The following ASCC3 variants were observed in gnomAD, a reference collection of about 807,000 sequenced individuals.
ASCC3 encodes ASC-1 complex subunit P200.
In ASCC3, 158 loss-of-function variants were observed where a neutral mutation model predicts 256.3. The observed-to-expected ratio is 0.62, with a 90% confidence interval of 0.54 to 0.70. The LOEUF is 0.70. Ranked by LOEUF, ASCC3 falls within the 30% of genes least tolerant of loss-of-function variation. ASCC3 has a pLI of 0.00. For missense variants in ASCC3, 2,259 were observed against 2,626.0 expected (o/e 0.86, Z 3.05); for synonymous variants, 948 against 883.4 (o/e 1.07, Z -1.30).
At chr6:100,686,969 T>G (rs1451853736) in intron 13 of ASCC3, among the ~76,000 whole-genome samples, 1 of 151,748 alleles carries the variant, frequency 6.6e-6, no homozygotes, top group Non-Finnish European at 1.5e-5. Context: ...TTACTTTTGG[T>G]ATCTCTTCAA....
chr6:100,692,426 TATG>T (rs1473420457), intron 13 of ASCC3, among the ~76,000 whole-genome samples: 1 of 152,014 alleles, frequency 6.6e-6, no homozygotes, highest in East Asian at 1.9e-4. Flanking sequence ...TATGGTTTAA[TATG>T]ATTATATTTT....
intron 30 of ASCC3, among the ~76,000 whole-genome samples, chr6:100,615,786 AT>A (rs1773639660): frequency 6.6e-6 from 1 of 152,214 alleles, no homozygotes; most frequent in South Asian, 2.1e-4. Context: ...TTGCAGAAAT[AT>A]TTCACAAGGC....
intron 37 of ASCC3, 54 bp from the exon 38 acceptor site, chr6:100,518,196 T>C: frequency 6.3e-7 from 1 of 1,587,780 alleles, no homozygotes; most frequent in Non-Finnish European, 8.6e-7. Flanking sequence ...ACTTGCCCCC[T>C]CCACTGGGAT....
At position 100,673,332 on chromosome 6, in the gene ASCC3, C is replaced by A. The variant is rs185674232; in HGVS notation, c.2286+6286G>T. On this transcript the variant is annotated intron_variant, in intron 14 of 41. Transcript: ENST00000369162. ...ATTTTATCATTACAAATCTCTCTACCCCTAGGAATTTATAACATTATTTAT... is the reference window on the plus strand; with the variant it reads ...ATTTTATCATTACAAATCTCTCTACACCTAGGAATTTATAACATTATTTAT... 4.8e-3 allele frequency among the ~76,000 whole-genome samples: 728 copies of A among 151,694 alleles called. 3 individuals are homozygous for A. Among genetic ancestry groups the A allele is most frequent in the Non-Finnish European group, 8.1e-3 (551 of 67,830 alleles).
intron 37 of ASCC3, among the ~76,000 whole-genome samples, chr6:100,536,966 C>T (rs1470331293): frequency 1.4e-4 from 22 of 152,084 alleles, no homozygotes. Context: ...GGAAGTTCTT[C>T]CTTATAGTAT....
At chr6:100,857,591 C>A (rs1773011680) in intron 3 of ASCC3, 1 of 151,782 alleles carries the variant, frequency 6.6e-6, no homozygotes, top group Non-Finnish European at 1.5e-5. Context: ...TGACCCAGCA[C>A]CATATACTGA....
At chr6:100,673,270 A>T (rs1562216164) in intron 14 of ASCC3, among the ~76,000 whole-genome samples, 1 of 152,138 alleles carries the variant, frequency 6.6e-6, no homozygotes, top group Non-Finnish European at 1.5e-5. Flanking sequence ...AAATTAAAAA[A>T]ATTAAATCAC....
chr6:100,615,771 C>G (rs904041803), intron 30 of ASCC3, among the ~76,000 whole-genome samples: 1 of 152,182 alleles, frequency 6.6e-6, no homozygotes. Context: ...AATAGCTGCT[C>G]TAAATTGCAG....
intron 37 of ASCC3, among the ~76,000 whole-genome samples, chr6:100,524,071 G>C (rs1168802255): frequency 6.6e-6 from 1 of 152,078 alleles, no homozygotes; most frequent in Non-Finnish European, 1.5e-5. Flanking sequence ...GGGAACTTAA[G>C]CTTAAAGAAG....
chr6:100,685,593 A>G (rs1777533787), intron 13 of ASCC3, among the ~76,000 whole-genome samples: 1 of 152,210 alleles, frequency 6.6e-6, no homozygotes, highest in African/African-American at 2.4e-5. Flanking sequence ...CATAAGTTAA[A>G]AAAATTATTA....
intron 8 of ASCC3, among the ~76,000 whole-genome samples, chr6:100,795,303 G>A (rs1769555005): frequency 6.6e-6 from 1 of 151,900 alleles, no homozygotes; most frequent in Admixed American, 6.6e-5. Context: ...AGCCTATCTG[G>A]GAATCAGGGG....
chr6:100,616,992 C>T (rs565552665), intron 30 of ASCC3, among the ~76,000 whole-genome samples: 23 of 151,208 alleles, frequency 1.5e-4, no homozygotes, highest in East Asian at 3.9e-4. Context: ...TTGTTGTTGT[C>T]GTTGTTGTTG....
chr6:100,863,780 T>C (rs1256657221), intron 3 of ASCC3, among the ~76,000 whole-genome samples: 2 of 152,136 alleles, frequency 1.3e-5, no homozygotes, highest in South Asian at 2.1e-4. Flanking sequence ...CACACCTAGC[T>C]AGTTTATTTT....
chr6:100,530,429 T>C lies in ASCC3; in HGVS notation c.5775+9734A>G, dbSNP rs141005619. ...ATTTTTTCCAAAATCCTGAACTTTA[T>C]ATATGAGAGAGTGTAAAAGGATCAC... On this transcript the variant is annotated intron_variant, in intron 37 of 41. Transcript: ENST00000369162. 41 of 863,074 alleles carry C rather than the reference T, an allele frequency of 4.8e-5. No homozygotes were observed. In the East Asian group the frequency reaches 8.9e-4, roughly 19 times the overall value. The allele number at this position is 863,074 out of a possible 1,614,324, so 53.5% of individuals were successfully genotyped here. A position where few individuals can be genotyped will look rare whatever the true frequency, so the allele number is the denominator to read the frequency against.
At chr6:100,661,708 C>T (rs1582652950) in intron 16 of ASCC3, 98 bp downstream of exon 16, 1 of 1,263,206 alleles carries the variant, frequency 7.9e-7, no homozygotes, top group East Asian at 2.3e-5. Context: ...GGCTGTAATC[C>T]TAAACACTAC....
intron 34 of ASCC3, among the ~76,000 whole-genome samples, chr6:100,600,205 G>GCACA (rs56886686): frequency 0.035 from 5,045 of 145,818 alleles, 231 homozygotes; most frequent in African/African-American, 0.11. Flanking sequence ...ACATGCACAT[G>GCACA]CACACACACA....
intron 34 of ASCC3, among the ~76,000 whole-genome samples, chr6:100,592,559 A>C (rs1772058930): frequency 6.6e-6 from 1 of 152,048 alleles, no homozygotes; most frequent in Non-Finnish European, 1.5e-5. Flanking sequence ...AGGTTACATA[A>C]AATTTTGGGA....
intron 16 of ASCC3, among the ~76,000 whole-genome samples, chr6:100,657,288 T>C (rs569867037): frequency 6.6e-6 from 1 of 151,576 alleles, no homozygotes; most frequent in East Asian, 1.9e-4. Context: ...ATATACTCAG[T>C]GTAAACTGTA....
At chr6:100,600,199 GCACATGCA>G (rs1245115683) in intron 34 of ASCC3, among the ~76,000 whole-genome samples, 4 of 104,578 alleles carry the variant, frequency 3.8e-5, no homozygotes, top group African/African-American at 7.2e-5. Context: ...ATACACACAT[GCACATGCA>G]CACACACACA....
Sources: allele counts gnomAD v4.1 joint callset (sites outside exome capture counted in the v4.1 genomes callset), GRCh38; gene constraint gnomAD v4.1.1; transcripts MANE v1.5; gene names NCBI Gene and HGNC (gene_info 2026-07-23, HGNC 2026-07-21).